The following TNRC6B variants were observed in gnomAD, a reference collection of about 807,000 sequenced individuals.
TNRC6B encodes the protein trinucleotide repeat containing adaptor 6B.
In TNRC6B, 52 loss-of-function variants were observed where a neutral mutation model predicts 203.6. The observed-to-expected ratio is 0.26, with a 90% CI of 0.20 to 0.32. The LOEUF (loss-of-function observed/expected upper bound fraction) is 0.32, where lower values mean the gene tolerates loss of function less well. Among genes scored for constraint, TNRC6B ranks in the 10% least tolerant of loss-of-function variants. The pLI is 1.00. For synonymous variants in TNRC6B, 838 were observed against 845.7 expected (o/e 0.99, Z 0.16); for missense variants, 1,923 against 2,286.2 (o/e 0.84, Z 3.24).
chr22:40,058,365 G>A (rs1241671498), intron 1 of TNRC6B, among the ~76,000 whole-genome samples: 1 of 148,086 alleles, frequency 6.8e-6, no homozygotes, highest in Admixed American at 6.6e-5. Flanking sequence ...TAAAAAGGGG[G>A]CCCTCTACCT....
upstream of TNRC6B, among the ~76,000 whole-genome samples, chr22:40,173,526 G>A (rs1204157640): frequency 6.7e-6 from 1 of 149,542 alleles, no homozygotes; most frequent in Non-Finnish European, 1.5e-5. Context: ...CGTGATCTCA[G>A]CTCAGCCTCC....
chr22:40,294,559 T>C (rs1445394527), intron 12 of TNRC6B, among the ~76,000 whole-genome samples: 1 of 152,240 alleles, frequency 6.6e-6, no homozygotes, highest in African/African-American at 2.4e-5. Context: ...CATGAATTTA[T>C]GGGCAACACT....
At chr22:40,247,217 G>A (rs1405548441) in intron 2 of TNRC6B, among the ~76,000 whole-genome samples, 2 of 152,112 alleles carry the variant, frequency 1.3e-5, no homozygotes, top group African/African-American at 2.4e-5. Context: ...TTACTGCTAT[G>A]TAAAGCATTT....
chr22:40,218,324 CTTT>C (rs71199275), intron 1 of TNRC6B, among the ~76,000 whole-genome samples: 1 of 97,458 alleles, frequency 1.0e-5, no homozygotes, highest in Non-Finnish European at 2.0e-5. Context: ...TTTTTCTTTT[CTTT>C]TTTTTTTTTT....
At chr22:40,125,244 C>T (rs970018502) in intron 2 of TNRC6B, among the ~76,000 whole-genome samples, 1 of 152,058 alleles carries the variant, frequency 6.6e-6, no homozygotes, top group Non-Finnish European at 1.5e-5. Flanking sequence ...AAGCACATTT[C>T]CTAAAAATGA....
At chr22:40,159,524 A>G (rs1202534956) in intron 4 of TNRC6B, among the ~76,000 whole-genome samples, 9 of 151,706 alleles carry the variant, frequency 5.9e-5, no homozygotes, top group African/African-American at 2.2e-4. Flanking sequence ...CTGTAGTCCC[A>G]GCAACTCGGG....
intron 1 of TNRC6B, among the ~76,000 whole-genome samples, chr22:40,234,211 A>G (rs2069918051): frequency 6.6e-6 from 1 of 152,194 alleles, no homozygotes; most frequent in African/African-American, 2.4e-5. Flanking sequence ...ACTCAAGCCC[A>G]GGAGTTTGAG....
intron 2 of TNRC6B, among the ~76,000 whole-genome samples, chr22:40,123,715 A>G (rs2068464090): frequency 6.6e-6 from 1 of 152,148 alleles, no homozygotes; most frequent in African/African-American, 2.4e-5. Flanking sequence ...TGGTTCAGCT[A>G]TGCCTATAAT....
intron 3 of TNRC6B, among the ~76,000 whole-genome samples, chr22:40,254,779 C>T (rs148365254): frequency 6.6e-6 from 1 of 152,080 alleles, no homozygotes; most frequent in African/African-American, 2.4e-5. Context: ...CCCAACTACT[C>T]AGGAGGCTGA....
chr22:40,050,029 A>G (rs181138150), intron 1 of TNRC6B, among the ~76,000 whole-genome samples: 3 of 152,282 alleles, frequency 2.0e-5, no homozygotes, highest in Admixed American at 2.0e-4. Context: ...TATAGTTATT[A>G]TTAGTGTTTT....
chr22:40,156,142 G>A (rs1219048192), exon 4 of TNRC6B: 1 of 1,582,358 alleles, frequency 6.3e-7, no homozygotes, highest in Non-Finnish European at 8.6e-7. Context: ...TGTAATGGAA[G>A]GGCATGGCAA....
chr22:40,212,629 T>A (rs2069580167), intron 1 of TNRC6B, among the ~76,000 whole-genome samples: 4 of 152,166 alleles, frequency 2.6e-5, no homozygotes, highest in Non-Finnish European at 5.9e-5. Flanking sequence ...CTTCAACAGC[T>A]GGGTATTTCT....
intron 1 of TNRC6B, among the ~76,000 whole-genome samples, chr22:40,190,494 A>G (rs959745060): frequency 6.6e-5 from 10 of 152,234 alleles, no homozygotes; most frequent in Non-Finnish European, 1.5e-4. Context: ...TTTCTGTCAT[A>G]TTATGTACAT....
chr22:40,270,469 G>A (rs568293534), intron 6 of TNRC6B, among the ~76,000 whole-genome samples, 189 bp downstream of exon 6: 8 of 151,970 alleles, frequency 5.3e-5, no homozygotes, highest in East Asian at 1.9e-4. Flanking sequence ...ACAGGCGCCC[G>A]CCACCACGCC....
intron 1 of TNRC6B, among the ~76,000 whole-genome samples, chr22:40,182,015 G>A (rs2069137497): frequency 6.6e-6 from 1 of 151,942 alleles, no homozygotes; most frequent in Non-Finnish European, 1.5e-5. Context: ...GGAGGTCGAG[G>A]TGAGTGGATA....
intron 8 of TNRC6B, 28 bp downstream of exon 8, chr22:40,277,179 A>C: frequency 1.3e-6 from 2 of 1,546,178 alleles, no homozygotes; most frequent in Middle Eastern, 1.9e-4. Context: ...CAAATGTATA[A>C]CGTATCCCAA....
intron 1 of TNRC6B, among the ~76,000 whole-genome samples, chr22:40,231,907 T>C (rs1269822838): frequency 6.6e-6 from 1 of 152,204 alleles, no homozygotes; most frequent in African/African-American, 2.4e-5. Flanking sequence ...TAGAGAATAT[T>C]GACTTCTTTT....
rs966621409 is a variant in TNRC6B at position 40,059,835 on chromosome 22, T to C, written c.-121+14837T>C. Among the ~76,000 whole-genome samples the C allele has an allele frequency of 3.3e-3, 452 of 138,158 alleles. 3 individuals carry two copies. The highest frequency in any genetic ancestry group is 1.0e-2 in the South Asian group (45 of 4,516). The allele number at this position is 138,158 out of a possible 152,430, so 90.6% of individuals were successfully genotyped here. A position where few individuals can be genotyped will look rare whatever the true frequency, so the allele number is the denominator to read the frequency against. On this transcript the variant is annotated intron_variant, in intron 1 of 23. Transcript: ENST00000301923. ...GTTTGGTTTTTTTTTTTTTTTTTTTTCCCCCCGAGACGGAGTCTCGCTCTG... is the reference window on the plus strand; with the variant it reads ...GTTTGGTTTTTTTTTTTTTTTTTTTCCCCCCCGAGACGGAGTCTCGCTCTG...
intron 15 of TNRC6B, among the ~76,000 whole-genome samples, chr22:40,303,883 C>T (rs1335534602): frequency 6.6e-6 from 1 of 152,212 alleles, no homozygotes; most frequent in Non-Finnish European, 1.5e-5. Context: ...TGCACTCCAG[C>T]CTGGCGACAG....
Sources: gnomAD v4.1 joint callset for allele counts (sites outside exome capture counted in the v4.1 genomes callset) on GRCh38, gnomAD v4.1.1 for gene constraint, MANE v1.5 for transcripts, NCBI Gene and HGNC (gene_info 2026-07-23, HGNC 2026-07-21) for gene names.